The following LAMA2 variants were observed in gnomAD, a reference collection of about 807,000 sequenced individuals.
LAMA2 encodes laminin subunit alpha 2.
LAMA2 carries 269 observed loss-of-function variants against 364.8 expected under a neutral mutation model. The observed-to-expected ratio is 0.74, with a 90% CI of 0.67 to 0.82. The LOEUF is 0.82. Among genes scored for constraint, LAMA2 ranks in the 40% least tolerant of loss-of-function variants. The probability of loss-of-function intolerance (pLI) is 0.00; values close to 1 mark genes in which losing one functional copy is unlikely to be tolerated. For synonymous variants in LAMA2, 1,379 were observed against 1,370.6 expected (o/e 1.01, Z -0.14); for missense variants, 3,807 against 3,873.2 (o/e 0.98, Z 0.45).
intron 17 of LAMA2, among the ~76,000 whole-genome samples, chr6:129,271,162 T>C (rs1182083458): frequency 6.6e-6 from 1 of 152,140 alleles, no homozygotes; most frequent in Admixed American, 6.6e-5. Context: ...TTTGTGAATC[T>C]TGGGCAAGTC....
At chr6:129,350,475 C>CCATG (rs1319007231) in intron 31 of LAMA2, among the ~76,000 whole-genome samples, 3 of 152,182 alleles carry the variant, frequency 2.0e-5, no homozygotes, top group Non-Finnish European at 4.4e-5. Flanking sequence ...CTGCAGTGGC[C>CCATG]CATGACTAAC....
At chr6:129,471,618 A>C (rs532337161) in intron 51 of LAMA2, among the ~76,000 whole-genome samples, 1 of 152,030 alleles carries the variant, frequency 6.6e-6, no homozygotes, top group South Asian at 2.1e-4. Flanking sequence ...AAAGGAATGT[A>C]TATGAAAAAG....
chr6:129,284,572 T>C (rs766439099), intron 18 of LAMA2, among the ~76,000 whole-genome samples: 4 of 152,186 alleles, frequency 2.6e-5, no homozygotes, highest in Non-Finnish European at 5.9e-5. Context: ...CTTGGCTAGA[T>C]TAAGCCAGCA....
chr6:129,038,978 C>T (rs9398893), intron 1 of LAMA2, among the ~76,000 whole-genome samples: 75,856 of 152,012 alleles, frequency 0.5, 21,215 homozygotes, highest in East Asian at 0.81. Context: ...TAGTTTAATG[C>T]CCTTCATTTG....
At chr6:128,911,530 C>T (rs966465600) in intron 1 of LAMA2, among the ~76,000 whole-genome samples, 1 of 152,156 alleles carries the variant, frequency 6.6e-6, no homozygotes. Context: ...GACCTGCGCC[C>T]ACTGTCTGGC....
rs113782463 is a variant in LAMA2, at chr6:128,953,597, TTG to T, written c.112+70267_112+70268del. ...CATTTAAATGTTTGTGCCCATGGAC[TTG>T]TGTGTGTGTGTGTGTGTGTGTGTGT... On this transcript the variant is annotated intron_variant, in intron 1 of 64. Transcript: ENST00000421865. Among the ~76,000 whole-genome samples the T allele has an allele frequency of 4.4e-3, 535 of 121,312 alleles. 5 individuals are homozygous for T. The highest frequency in any genetic ancestry group is 9.4e-3 in the African/African-American group (301 of 32,088). The allele number at this position is 121,312 out of a possible 152,430, so 79.6% of individuals were successfully genotyped here. A position where few individuals can be genotyped will look rare whatever the true frequency, so the allele number is the denominator to read the frequency against.
chr6:129,502,073 TG>T (rs1254814580), intron 58 of LAMA2, among the ~76,000 whole-genome samples: 2 of 152,188 alleles, frequency 1.3e-5, no homozygotes, highest in African/African-American at 4.8e-5. Flanking sequence ...AAATGGTGTA[TG>T]GTGGGTTACA....
chr6:129,185,669 T>C (rs938364170), intron 10 of LAMA2, among the ~76,000 whole-genome samples: 4 of 119,956 alleles, frequency 3.3e-5, no homozygotes, highest in African/African-American at 5.5e-5. Context: ...AAAATGACTA[T>C]ATAGGCTCCA....
intron 1 of LAMA2, among the ~76,000 whole-genome samples, chr6:128,973,336 A>G (rs1017666734): frequency 5.9e-5 from 9 of 152,202 alleles, no homozygotes; most frequent in African/African-American, 2.2e-4. Flanking sequence ...GGAGAAGGAC[A>G]CTGATAATAA....
At chr6:129,487,943 A>G (rs1294447936) in intron 56 of LAMA2, among the ~76,000 whole-genome samples, 1 of 152,194 alleles carries the variant, frequency 6.6e-6, no homozygotes, top group Non-Finnish European at 1.5e-5. Flanking sequence ...CTGGTTTCAC[A>G]TGTCTTCTAG....
chr6:128,935,966 G>A (rs1779786944), intron 1 of LAMA2, among the ~76,000 whole-genome samples: 1 of 152,104 alleles, frequency 6.6e-6, no homozygotes, highest in Non-Finnish European at 1.5e-5. Context: ...TTGAATCATG[G>A]AGGCCAGTTT....
At chr6:129,481,506 G>A in intron 55 of LAMA2, 67 bp downstream of exon 55, 1 of 1,310,266 alleles carries the variant, frequency 7.6e-7, no homozygotes, top group Non-Finnish European at 1.1e-6. Flanking sequence ...ACTTACTTTT[G>A]TATTTTTAGT....
At chr6:128,895,359 G>A (rs1318120537) in intron 1 of LAMA2, among the ~76,000 whole-genome samples, 6 of 151,672 alleles carry the variant, frequency 4.0e-5, no homozygotes, top group African/African-American at 1.2e-4. Context: ...ATGGCGGGGC[G>A]CGGTGGCTCA....
At chr6:129,342,537 G>T in intron 30 of LAMA2, 70 bp downstream of exon 30, 2 of 1,492,646 alleles carry the variant, frequency 1.3e-6, no homozygotes, top group Non-Finnish European at 1.8e-6. Flanking sequence ...GGCTGTCTAT[G>T]ATTTGGCTAT....
intron 12 of LAMA2, among the ~76,000 whole-genome samples, chr6:129,216,679 ACT>A (rs1161774816): frequency 6.6e-6 from 1 of 152,074 alleles, no homozygotes; most frequent in African/African-American, 2.4e-5. Context: ...GTGGATATTT[ACT>A]CAGTAAATAA....
At chr6:129,083,133 G>C (rs1774171593) in intron 3 of LAMA2, among the ~76,000 whole-genome samples, 2 of 151,634 alleles carry the variant, frequency 1.3e-5, no homozygotes, top group South Asian at 4.2e-4. Context: ...TATAAAATGG[G>C]CAGCACACTA....
chr6:129,063,500 G>A (rs973022702), intron 3 of LAMA2, among the ~76,000 whole-genome samples: 7 of 152,022 alleles, frequency 4.6e-5, no homozygotes, highest in East Asian at 1.9e-4. Context: ...ATTGGCAGGC[G>A]GGGTAAAACA....
Position 129,143,974 on chromosome 6 carries a change from CT to C in LAMA2, c.714del (p.Arg239AlafsTer5). On this transcript the variant is annotated frameshift_variant, in exon 5 of 65. Transcript: ENST00000421865. LOFTEE classifies it high-confidence loss of function. ...PSPELLEFTSARYIRLRFQRI... is the reference protein window; with the variant it reads ...PSPELLEFTSXRYIRLRFQRI... ...CCAGAACTGCTAGAATTTACCTCCG[CT>C]CGCTATATTCGCCTGAGATTTCAGA... 6.2e-7 allele frequency: 1 copy of C among 1,612,306 alleles called. No individual in the cohort carries two copies. Among genetic ancestry groups the C allele is most frequent in the Non-Finnish European group, 8.5e-7 (1 of 1,178,758 alleles).
intron 12 of LAMA2, among the ~76,000 whole-genome samples, chr6:129,210,582 A>G (rs985455977): frequency 2.0e-5 from 3 of 152,192 alleles, no homozygotes; most frequent in Non-Finnish European, 4.4e-5. Context: ...ATAGCTTCAG[A>G]TTCTAGAAGA....
Sources: allele counts gnomAD v4.1 joint callset (sites outside exome capture counted in the v4.1 genomes callset), GRCh38; gene constraint gnomAD v4.1.1; transcripts MANE v1.5; gene names NCBI Gene and HGNC (gene_info 2026-07-23, HGNC 2026-07-21).